Variants in PHF2 observed in about 807,000 individuals in gnomAD.
PHF2 encodes PHD finger protein 2, also known as lysine-specific demethylase PHF2.
A neutral mutation model predicts 120.5 loss-of-function variants in PHF2; 27 were observed. The ratio of observed to expected loss-of-function variants is 0.22; its 90% confidence interval spans 0.17 to 0.31. The LOEUF is 0.31. Among genes scored for constraint, PHF2 ranks in the 10% least tolerant of loss-of-function variants. The pLI is 1.00. For missense variants in PHF2, 1,024 were observed against 1,434.8 expected, an observed-to-expected ratio of 0.71 and a Z score of 4.63; for synonymous variants, 568 against 592.5, an observed-to-expected ratio of 0.96 and a Z score of 0.60.
chr9:93,656,112 T>A lies in PHF2; in HGVS notation c.1040+91T>A. The A allele has an allele frequency of 6.9e-6, 7 of 1,018,500 alleles. No individual in the cohort carries two copies. Among genetic ancestry groups the A allele is most frequent in the African/African-American group, 1.6e-5 (1 of 63,084 alleles). 63.1% of individuals were successfully genotyped at this position (1,018,500 alleles called of 1,614,324 possible). ...GTGCTAGATGCCTTGGGCTGAGTCC[T>A]GGCACAGCCCGCCTGTGGGTGGCCT... On this transcript the variant is annotated intron_variant, in intron 8 of 21. Coordinates refer to ENST00000359246, the MANE Select transcript of PHF2 (RefSeq NM_005392.4). This position sits in a 1 kb window ranked among gnomAD's most constrained non-coding sequence, Gnocchi z 4.1.
rs150725953 is a variant in PHF2, at chr9:93,578,686, C to G, written c.98+1815C>G. On this transcript the variant is annotated intron_variant, in intron 1 of 21. Coordinates refer to ENST00000359246, the MANE Select transcript of PHF2 (RefSeq NM_005392.4). ...GGAAGGCTAGTTCTGAACTAGACTT[C>G]GAGGCCAAGGGAAAAACTCCAGGAA... Among the ~76,000 whole-genome samples the G allele has an allele frequency of 6.7e-4, 102 of 152,212 alleles. 2 individuals carry two copies. The East Asian group carries it at 0.017, about 25-fold the overall frequency.
chr9:93,619,296 C>T (rs73518058), intron 1 of PHF2, among the ~76,000 whole-genome samples: 3,575 of 151,936 alleles, frequency 0.024, 67 homozygotes, highest in African/African-American at 0.032. Context: ...ACACTGCTCT[C>T]GTTGGAGCCC....
At chr9:93,593,107 AAAAAG>A (rs1825264405) in intron 1 of PHF2, among the ~76,000 whole-genome samples, 1 of 147,466 alleles carries the variant, frequency 6.8e-6, no homozygotes, top group African/African-American at 2.6e-5. Flanking sequence ...AAAAAAAAAA[AAAAAG>A]AAAAAAAAAG....
chr9:93,644,074 A>G (rs2117854758), intron 3 of PHF2, among the ~76,000 whole-genome samples: 1 of 152,132 alleles, frequency 6.6e-6, no homozygotes, highest in Non-Finnish European at 1.5e-5. Context: ...CGCAGACTAC[A>G]CCACTGCCCT....
chr9:93,673,060 G>A (rs748930850), intron 17 of PHF2, among the ~76,000 whole-genome samples: 4 of 151,998 alleles, frequency 2.6e-5, no homozygotes, highest in South Asian at 2.1e-4. Flanking sequence ...TGGGGAAAGC[G>A]TGTGCCATGG....
chr9:93,652,290 CTT>C (rs751282822), intron 5 of PHF2, among the ~76,000 whole-genome samples: 27,227 of 94,708 alleles, frequency 0.29, 2,875 homozygotes, highest in Non-Finnish European at 0.33. Flanking sequence ...TTGAGCTTGA[CTT>C]TTTTTTTTTT....
At chr9:93,627,491 G>GTTTTTTTTTTTTTTTTTTTTT (rs1186546705) in intron 1 of PHF2, among the ~76,000 whole-genome samples, 2 of 41,064 alleles carry the variant, frequency 4.9e-5, no homozygotes, top group Non-Finnish European at 9.3e-5. Context: ...TTTATTTCAG[G>GTTTTTTTTTTTTTTTTTTTTT]ATTTTTTTTT....
chr9:93,653,104 A>T, intron 5 of PHF2, 75 bp from the exon 6 acceptor site: 2 of 1,382,590 alleles, frequency 1.4e-6, no homozygotes, highest in Non-Finnish European at 2.0e-6. Flanking sequence ...TGCCTCACAG[A>T]ACATGTTTCC....
chr9:93,629,706 T>G (rs1401440358), intron 1 of PHF2, among the ~76,000 whole-genome samples: 2 of 152,192 alleles, frequency 1.3e-5, no homozygotes, highest in African/African-American at 4.8e-5. Flanking sequence ...GCTTGGTAGA[T>G]GGCCTATTCA....
chr9:93,653,480 C>A, intron 6 of PHF2, 115 bp downstream of exon 6: 1 of 1,053,254 alleles, frequency 9.5e-7, no homozygotes, highest in South Asian at 1.5e-5. Context: ...CAGAGGGCCC[C>A]TGGACTGTCC....
intron 1 of PHF2, among the ~76,000 whole-genome samples, chr9:93,627,981 T>C (rs1345584026): frequency 6.6e-6 from 1 of 152,212 alleles, no homozygotes; most frequent in Non-Finnish European, 1.5e-5. Flanking sequence ...TGCTGTCCCA[T>C]CCTCCAGGAC....
At chr9:93,652,956 A>G (rs1323915046) in intron 5 of PHF2, among the ~76,000 whole-genome samples, 1 of 152,136 alleles carries the variant, frequency 6.6e-6, no homozygotes, top group East Asian at 1.9e-4. Context: ...CTGGGGGTGG[A>G]GGCCAGCGTC....
chr9:93,627,924 T>C (rs1825941231), intron 1 of PHF2, among the ~76,000 whole-genome samples: 1 of 152,212 alleles, frequency 6.6e-6, no homozygotes, highest in African/African-American at 2.4e-5. Flanking sequence ...TTTTACCCAC[T>C]TGGGGAGATC....
At chr9:93,603,363 G>A (rs76356305) in intron 1 of PHF2, among the ~76,000 whole-genome samples, 3,534 of 152,238 alleles carry the variant, frequency 0.023, 70 homozygotes, top group Middle Eastern at 0.037. Context: ...CATTTCCGGC[G>A]ACAGAGTTTA....
At chr9:93,581,760 A>G (rs1160880106) in intron 1 of PHF2, among the ~76,000 whole-genome samples, 1 of 152,188 alleles carries the variant, frequency 6.6e-6, no homozygotes, top group Non-Finnish European at 1.5e-5. Context: ...ATGCCCTAAA[A>G]TCTGGGCAGA....
rs1826927627 is a variant in PHF2, at chr9:93,676,914, A to G, written c.3153A>G (p.Thr1051=). ...SQPMAPGVFL[T]QRRPSASSPN... ...CCATGGCCCCTGGGGTCTTTCTCAC[A>G]CAGAGGCGGCCCTCCGCATCGTCTC... Residue 1051 remains threonine (T), a synonymous_variant, in exon 21 of 22, where the codon ACA becomes ACG. Transcript: ENST00000359246. 7 of 1,578,818 alleles carry G rather than the reference A, an allele frequency of 4.4e-6. No individual in the cohort carries two copies. In the East Asian group the frequency reaches 1.6e-4, roughly 36 times the overall value.
In PHF2 at chr9:93,674,959, C is replaced by T. The variant is rs534140580; in HGVS notation, c.2659C>T (p.Pro887Ser). Reference sequence around the variant, plus strand: ...CTCACTGGAGTCAGATGAAGACAACCCCATCTTTAAGTCCCGGTCGAAGAA... The same window carrying T: ...CTCACTGGAGTCAGATGAAGACAACTCCATCTTTAAGTCCCGGTCGAAGAA... ...YPSLESDEDNPIFKSRSKKRK... is the reference protein window; with the variant it reads ...YPSLESDEDNSIFKSRSKKRK... The change falls in exon 19 of 22, where the codon CCC (proline) becomes TCC (serine). Residue 887 changes from proline to serine, a missense_variant. By Grantham distance (74) the Pro-to-Ser change is moderately conservative (BLOSUM62 -1). Coordinates refer to ENST00000359246, the MANE Select transcript of PHF2 (RefSeq NM_005392.4). 6.2e-7 allele frequency: 1 copy of T among 1,613,928 alleles called. No homozygotes were observed. The highest frequency in any genetic ancestry group is 2.2e-5 in the East Asian group (1 of 44,870).
At chr9:93,652,330 T>G (rs1026030932) in intron 5 of PHF2, among the ~76,000 whole-genome samples, 4 of 148,834 alleles carry the variant, frequency 2.7e-5, no homozygotes, top group Non-Finnish European at 4.4e-5. Flanking sequence ...AGTCTCACTC[T>G]GTTGCCCAGG....
chr9:93,600,173 CTG>C (rs1272449750), intron 1 of PHF2, among the ~76,000 whole-genome samples: 1 of 151,616 alleles, frequency 6.6e-6, no homozygotes, highest in Non-Finnish European at 1.5e-5. Context: ...AGTTTGTGTG[CTG>C]TGTGTCTGTA....
Sources: allele counts gnomAD v4.1 joint callset (sites outside exome capture counted in the v4.1 genomes callset), GRCh38; gene constraint gnomAD v4.1.1; non-coding constraint Gnocchi (gnomAD v3.1); transcripts MANE v1.5; gene names NCBI Gene and HGNC (gene_info 2026-07-23, HGNC 2026-07-21).